CRISP2: variants seen among roughly 807,000 people sequenced by gnomAD.
The protein encoded by CRISP2 is cysteine-rich secretory protein 2.
In CRISP2, 29 loss-of-function variants were observed where a neutral mutation model predicts 31.7. The observed-to-expected ratio is 0.92, with a 90% CI of 0.68 to 1.25. The LOEUF is 1.25. Ranked by LOEUF, CRISP2 falls within the 50% of genes most tolerant of loss-of-function variation. The pLI is 0.00. For missense variants in CRISP2, 318 were observed against 286.5 expected (o/e 1.11, Z -0.79); for synonymous variants, 111 against 101.4 (o/e 1.09, Z -0.57).
At chr6:49,684,860 T>C in the CRISP2 span, among the ~76,000 whole-genome samples, 1 of 152,208 alleles carries the variant, frequency 6.6e-6, no homozygotes, top group African/African-American at 2.4e-5. Context: ...ACAGAAAGTC[T>C]AAACTTTCAG....
chr6:49,701,720 T>TATAC lies in CRISP2; in HGVS notation c.67-937_67-936insGTAT, dbSNP rs1491136879. ...ATACATTATGTATACATATATAATG[T>TATAC]ATATATAATGTATATATACACGGTA... On this transcript the variant is annotated intron_variant, in intron 4 of 9. Coordinates refer to ENST00000339139, the MANE Select transcript of CRISP2 (RefSeq NM_003296.4). 3.1e-3 allele frequency among the ~76,000 whole-genome samples: 346 copies of TATAC among 110,232 alleles called. 11 individuals carry two copies. The highest frequency in any genetic ancestry group is 0.012 in the African/African-American group (318 of 27,212). 72.3% of individuals were successfully genotyped at this position (110,232 alleles called of 152,430 possible).
At chr6:49,688,317 T>G (rs1277875611), downstream of CRISP2, among the ~76,000 whole-genome samples, 1 of 152,258 alleles carries the variant, frequency 6.6e-6, no homozygotes, top group Non-Finnish European at 1.5e-5. Context: ...TGGTGCTTCT[T>G]CTGTTAATAC....
At chr6:49,683,744 A>C in the CRISP2 span, among the ~76,000 whole-genome samples, 2 of 125,272 alleles carry the variant, frequency 1.6e-5, no homozygotes, top group Non-Finnish European at 3.3e-5. Context: ...GGACTAAGTC[A>C]CTATGTAATT....
At chr6:49,708,204 C>A (rs150462499) in intron 4 of CRISP2, among the ~76,000 whole-genome samples, 3 of 152,158 alleles carry the variant, frequency 2.0e-5, no homozygotes, top group East Asian at 3.9e-4. Flanking sequence ...CTATCATCAG[C>A]TTTCTAACCC....
At chr6:49,696,179 G>A (rs569923964) in intron 8 of CRISP2, among the ~76,000 whole-genome samples, 1 of 152,196 alleles carries the variant, frequency 6.6e-6, no homozygotes, top group Admixed American at 6.5e-5. Flanking sequence ...GAAATTTTGA[G>A]AGTATATTCA....
At chr6:49,704,860 C>G (rs1766742053) in intron 4 of CRISP2, among the ~76,000 whole-genome samples, 1 of 152,182 alleles carries the variant, frequency 6.6e-6, no homozygotes, top group African/African-American at 2.4e-5. Flanking sequence ...TGGACAGTCT[C>G]AGGACCTCTG....
downstream of CRISP2, among the ~76,000 whole-genome samples, chr6:49,689,559 G>A (rs1763985357): frequency 6.6e-6 from 1 of 151,926 alleles, no homozygotes; most frequent in African/African-American, 2.4e-5. Context: ...TTAGTTTAAT[G>A]AGATGACTGG....
At chr6:49,712,103 T>C (rs1768118318) in intron 2 of CRISP2, among the ~76,000 whole-genome samples, 1 of 152,210 alleles carries the variant, frequency 6.6e-6, no homozygotes, top group Non-Finnish European at 1.5e-5. Context: ...GAGATTCACA[T>C]GTTCAAGGCC....
rs756823944 is a variant in CRISP2, at chr6:49,700,756, G to A, written c.95C>T (p.Thr32Ile). The change falls in exon 5 of 10, where the codon ACC (threonine) becomes ATC (isoleucine). Residue 32 changes from threonine to isoleucine, a missense_variant. By Grantham distance (89) the Thr-to-Ile change is moderately conservative. Coordinates refer to ENST00000339139, the MANE Select transcript of CRISP2 (RefSeq NM_003296.4). The part of the protein sequence containing the change: ...KDPAFTALLT[T>I]QLQVQREIVN... ...AATCTCCCTTTGCACTTGCAACTGG[G>A]TGGTTAACAAAGCAGTAAAAGCGGG... is the stretch of plus-strand genomic sequence containing the variant. 5 of 1,611,480 alleles carry A rather than the reference G, an allele frequency of 3.1e-6. No homozygotes were observed. In the East Asian group the frequency reaches 8.9e-5, roughly 29 times the overall value.
chr6:49,712,719 T>C (rs1286889040), intron 1 of CRISP2, 115 bp from the exon 2 acceptor site: 1 of 152,216 alleles, frequency 6.6e-6, no homozygotes, highest in African/African-American at 2.4e-5. Context: ...GTATTGTTTC[T>C]AATAATTTAC....
At chr6:49,690,971 A>T (rs966857043), downstream of CRISP2, among the ~76,000 whole-genome samples, 17 of 151,640 alleles carry the variant, frequency 1.1e-4, no homozygotes, top group African/African-American at 3.6e-4. Context: ...TTTTTTAACC[A>T]GTCACTAGAG....
chr6:49,695,915 A>G lies in CRISP2; in HGVS notation c.525T>C (p.Asn175=). The G allele has an allele frequency of 6.2e-7, 1 of 1,609,618 alleles. No homozygotes were observed. Among genetic ancestry groups the G allele is most frequent in the Non-Finnish European group, 8.5e-7 (1 of 1,177,358 alleles). ...YVCQYCPAGN[N]MNRKNTPYQQ... is the part of the protein sequence containing the mutation. ...GGTACGGGGTATTCTTTCTATTCATATTATTACCACTGAAATTTGAAATAC... is the reference window on the plus strand; with the variant it reads ...GGTACGGGGTATTCTTTCTATTCATGTTATTACCACTGAAATTTGAAATAC... Residue 175 remains asparagine, a synonymous_variant, in exon 9 of 10, where the codon AAT becomes AAC. Transcript: ENST00000339139.
At chr6:49,681,020 T>C in the CRISP2 span, among the ~76,000 whole-genome samples, 3 of 152,198 alleles carry the variant, frequency 2.0e-5, no homozygotes, top group East Asian at 1.9e-4. Flanking sequence ...TGTTAATTTA[T>C]GTTTTTGTTG....
chr6:49,704,923 G>A (rs977037911), intron 4 of CRISP2, among the ~76,000 whole-genome samples: 1 of 152,144 alleles, frequency 6.6e-6, no homozygotes, highest in Non-Finnish European at 1.5e-5. Flanking sequence ...GTCTTTCCTT[G>A]GAGTAGAGTT....
chr6:49,678,739 G>A, the CRISP2 span, among the ~76,000 whole-genome samples: 1 of 152,128 alleles, frequency 6.6e-6, no homozygotes, highest in Non-Finnish European at 1.5e-5. Context: ...CTAAGCAGGA[G>A]CAGCATCAAG....
the CRISP2 span, among the ~76,000 whole-genome samples, chr6:49,684,633 A>G: frequency 6.6e-6 from 1 of 152,182 alleles, no homozygotes; most frequent in African/African-American, 2.4e-5. Flanking sequence ...TACATACTTA[A>G]CTTAAAAAAG....
At chr6:49,713,204 T>TC (rs1260873926) in intron 1 of CRISP2, among the ~76,000 whole-genome samples, 1 of 152,092 alleles carries the variant, frequency 6.6e-6, no homozygotes, top group Admixed American at 6.5e-5. Context: ...ATTCAATGGG[T>TC]CTTATGTACT....
the CRISP2 span, among the ~76,000 whole-genome samples, chr6:49,681,225 C>A: frequency 6.6e-6 from 1 of 152,038 alleles, no homozygotes; most frequent in Non-Finnish European, 1.5e-5. Flanking sequence ...TAGTCAGTTA[C>A]CCCAGCACCA....
intron 7 of CRISP2, 90 bp from the exon 8 acceptor site, chr6:49,698,047 GTTAGTT>G (rs2127397844): frequency 9.5e-7 from 1 of 1,050,812 alleles, no homozygotes; most frequent in East Asian, 2.7e-5. Context: ...ACTGAAAAAT[GTTAGTT>G]TTATAGACAT....
Sources: allele counts gnomAD v4.1 joint callset (sites outside exome capture counted in the v4.1 genomes callset), GRCh38; gene constraint gnomAD v4.1.1; transcripts MANE v1.5; gene names NCBI Gene and HGNC (gene_info 2026-07-23, HGNC 2026-07-21).